ITPKB: variants seen among roughly 807,000 people sequenced by gnomAD.
The protein encoded by ITPKB is IP3 3-kinase B.
A neutral mutation model predicts 69.4 loss-of-function variants in ITPKB; 13 were observed. The ratio of observed to expected loss-of-function variants is 0.19; its 90% CI spans 0.12 to 0.30. The LOEUF (loss-of-function observed/expected upper bound fraction) is 0.30, where lower values mean the gene tolerates loss of function less well. ITPKB is among the 10% of genes least tolerant of loss of function. ITPKB has a pLI of 1.00. For synonymous variants in ITPKB, 584 were observed against 513.7 expected (o/e 1.14, Z -1.85); for missense variants, 1,240 against 1,250.5 (o/e 0.99, Z 0.13).
At chr1:226,709,629 G>T (rs1291629068) in intron 2 of ITPKB, among the ~76,000 whole-genome samples, 1 of 152,198 alleles carries the variant, frequency 6.6e-6, no homozygotes, top group East Asian at 1.9e-4. Context: ...AGCAGAAGAC[G>T]TGATACTTCC....
At chr1:226,680,830 T>C (rs1656069925) in intron 2 of ITPKB, among the ~76,000 whole-genome samples, 1 of 152,202 alleles carries the variant, frequency 6.6e-6, no homozygotes, top group Admixed American at 6.5e-5. Context: ...AGAGCTACCC[T>C]GTCCCTGGGA....
intron 2 of ITPKB, among the ~76,000 whole-genome samples, chr1:226,684,297 TACTC>T (rs1197986597): frequency 6.6e-6 from 1 of 152,128 alleles, no homozygotes; most frequent in African/African-American, 2.4e-5. Flanking sequence ...TGTTACCAGA[TACTC>T]ACTGTCCAGC....
chr1:226,649,570 C>G (rs1258107086), intron 2 of ITPKB, among the ~76,000 whole-genome samples: 1 of 150,380 alleles, frequency 6.6e-6, no homozygotes, highest in South Asian at 2.1e-4. Flanking sequence ...CATATGTGTG[C>G]ATGAGTGTGT....
In ITPKB at chr1:226,737,405, G is replaced by A. The variant is rs770713467; in HGVS notation, c.54C>T (p.Asn18=). Residue 18 remains asparagine, a synonymous_variant, in exon 2 of 8, where the codon AAC becomes AAT. Coordinates refer to ENST00000429204, the MANE Select transcript of ITPKB (RefSeq NM_002221.4). ...LNSLVIMNSA[N]EMKSGGGPGP... is the part of the protein sequence containing the mutation. ...CCGGGCCGCCGCCGCTCTTCATCTC[G>A]TTGGCGCTATTCATGATCACCAGGC... is the stretch of plus-strand genomic sequence containing the variant. The A allele has an allele frequency of 3.7e-6, 6 of 1,611,230 alleles. No homozygotes were observed. Among genetic ancestry groups the A allele is most frequent in the Non-Finnish European group, 5.1e-6 (6 of 1,179,614 alleles).
chr1:226,736,040 G>A lies in ITPKB; in HGVS notation c.1419C>T (p.Gly473=), dbSNP rs531505083. The change falls in exon 2 of 8, where the codon GGC becomes GGT. Residue 473 remains glycine (G), a synonymous_variant. Coordinates refer to ENST00000429204, the MANE Select transcript of ITPKB (RefSeq NM_002221.4). ...TGNVEAGIPS[G]RMLEPLPCWD... ...AACAGGGCAAAGGCTCCAGCATTCT[G>A]CCAGAAGGAATTCCCGCCTCCACAT... 1.9e-6 allele frequency: 3 copies of A among 1,613,406 alleles called. No individual in the cohort carries two copies. Among genetic ancestry groups the A allele is most frequent in the African/African-American group, 1.3e-5 (1 of 74,946 alleles).
At position 226,679,567 on chromosome 1, in the gene ITPKB, G is replaced by C. The variant is rs7517463; in HGVS notation, c.1933-30796C>G. Among the ~76,000 whole-genome samples the C allele has an allele frequency of 9.0e-3, 1,368 of 152,296 alleles. 25 individuals carry two copies. Among genetic ancestry groups the C allele is most frequent in the African/African-American group, 0.031 (1,308 of 41,554 alleles). ...TGAGTTGTGGGGACTAACCTAAGTC[G>C]ATATTCTACCTCCCTTTTGAACTGA... On this transcript the variant is annotated intron_variant, in intron 2 of 7. Coordinates refer to ENST00000429204, the MANE Select transcript of ITPKB (RefSeq NM_002221.4).
rs568600992 is a variant in ITPKB at position 226,667,859 on chromosome 1, C to T, written c.1933-19088G>A. On this transcript the variant is annotated intron_variant, in intron 2 of 7. Transcript: ENST00000429204. Reference sequence around the variant, plus strand: ...GTGTGTGTGTGTGTGTGTGTGCGCGCGCGCGTGCGAAGTGGAGGTTGGTAT... The same window carrying T: ...GTGTGTGTGTGTGTGTGTGTGCGCGTGCGCGTGCGAAGTGGAGGTTGGTAT... Among the ~76,000 whole-genome samples, 228 of 106,464 alleles carry T rather than the reference C, an allele frequency of 2.1e-3. 1 individual carries two copies. The highest frequency in any genetic ancestry group is 8.0e-3 in the African/African-American group (201 of 25,158). 69.8% of individuals were successfully genotyped at this position (106,464 alleles called of 152,430 possible). A position where few individuals can be genotyped will look rare whatever the true frequency, so the allele number is the denominator to read the frequency against.
chr1:226,689,567 A>ATT (rs201433255), intron 2 of ITPKB, among the ~76,000 whole-genome samples: 1,033 of 93,770 alleles, frequency 0.011, 22 homozygotes, highest in Admixed American at 0.069. Flanking sequence ...GGAAGGTTTT[A>ATT]TTTGTGTGTG....
rs1371926999 is a variant in ITPKB, at chr1:226,641,795, C to T, written c.2451+126G>A. 7.0e-6 allele frequency: 6 copies of T among 857,598 alleles called. No homozygotes were observed. The highest frequency in any genetic ancestry group is 1.1e-5 in the Non-Finnish European group (6 of 550,258). 53.1% of individuals were successfully genotyped at this position (857,598 alleles called of 1,614,324 possible). On this transcript the variant is annotated intron_variant, in intron 5 of 7. Transcript: ENST00000429204. This position sits in a 1 kb window ranked among gnomAD's most constrained non-coding sequence, Gnocchi z 4.6. ...TGTCTCCAAATGTCTGGCCTTGGGG[C>T]GGGCCACCCACATTCTGAGCCTGTG...
chr1:226,659,834 C>T (rs973156081), intron 2 of ITPKB, among the ~76,000 whole-genome samples: 4 of 152,120 alleles, frequency 2.6e-5, no homozygotes, highest in East Asian at 1.9e-4. Flanking sequence ...GGGATCTGTC[C>T]TAACCTTCTC....
At position 226,736,164 on chromosome 1, in the gene ITPKB, A is replaced by G. The variant is rs755608656; in HGVS notation, c.1295T>C (p.Val432Ala). 25 of 1,554,062 alleles carry G rather than the reference A, an allele frequency of 1.6e-5. No individual in the cohort carries two copies. Among genetic ancestry groups the G allele is most frequent in the Admixed American group, 7.6e-5 (4 of 52,758 alleles). ...GPEEARSGAP[V>A]GGGRWQLSDR... The stretch of plus-strand genomic sequence containing the variant: ...GGAGAGCTGCCAACGCCCCCCGCCC[A>G]CGGGGGCCCCACTTCGGGCCTCCTC... The change falls in exon 2 of 8, where the codon GTG becomes GCG. Residue 432 changes from valine to alanine, a missense_variant. Physicochemically the swap from Val to Ala is moderately conservative, Grantham distance 64. Around this residue, in one of 2 missense-constraint regions of ITPKB, gnomAD observed 992 missense variants for 853.8 expected, o/e 1.16. Transcript: ENST00000429204.
At chr1:226,732,239 TG>T (rs1366541029) in intron 2 of ITPKB, among the ~76,000 whole-genome samples, 1 of 152,160 alleles carries the variant, frequency 6.6e-6, no homozygotes, top group Non-Finnish European at 1.5e-5. Flanking sequence ...TTTTTGTTTT[TG>T]TTTTTTGTTT....
chr1:226,718,397 C>T (rs994198011), intron 2 of ITPKB, among the ~76,000 whole-genome samples: 1 of 151,920 alleles, frequency 6.6e-6, no homozygotes, highest in Non-Finnish European at 1.5e-5. Context: ...GACTTGAGAC[C>T]AGCCTTGGCG....
At chr1:226,707,837 T>G in intron 2 of ITPKB, 1 of 1,218,318 alleles carries the variant, frequency 8.2e-7, no homozygotes, top group South Asian at 1.6e-5. Context: ...TGTAGGAAGA[T>G]GAAATATGCT....
In ITPKB at chr1:226,737,329, G is replaced by A. The variant is rs1484533620; in HGVS notation, c.130C>T (p.Pro44Ser). The A allele has an allele frequency of 2.3e-5, 36 of 1,597,368 alleles. No individual in the cohort carries two copies. Among genetic ancestry groups the A allele is most frequent in the Non-Finnish European group, 2.9e-5 (34 of 1,176,676 alleles). The change falls in exon 2 of 8, where the codon CCC becomes TCC. Residue 44 changes from proline to serine, a missense_variant. By Grantham distance (74) the Pro-to-Ser change is moderately conservative (BLOSUM62 -1). This residue lies in a region of ITPKB where 992 missense variants were observed against 853.8 expected (regional missense o/e 1.16). Transcript: ENST00000429204. ...PPPPRRAVLS[P>S]GSVFSPGRGA... ...CTCCCGGGGCTGAAAACGCTGCCGG[G>A]GCTCAGCACTGCCCTCCTCGGGGGC...
chr1:226,651,464 T>C (rs1669193034), intron 2 of ITPKB, among the ~76,000 whole-genome samples: 1 of 152,208 alleles, frequency 6.6e-6, no homozygotes, highest in Admixed American at 6.5e-5. Flanking sequence ...GGAGGGTCTT[T>C]AGCCCTCTGT....
At chr1:226,707,924 A>G (rs1236091861) in intron 2 of ITPKB, 2 of 1,331,646 alleles carry the variant, frequency 1.5e-6, no homozygotes, top group Admixed American at 4.7e-5. Flanking sequence ...CACTAAAGGG[A>G]GAAGAAAAGA....
At chr1:226,680,348 A>G (rs909883403) in intron 2 of ITPKB, among the ~76,000 whole-genome samples, 42 of 152,190 alleles carry the variant, frequency 2.8e-4, no homozygotes, top group African/African-American at 9.9e-4. Flanking sequence ...CAGCTTAGAG[A>G]TCCTAAGTCC....
At chr1:226,664,425 T>G (rs1342411648) in intron 2 of ITPKB, among the ~76,000 whole-genome samples, 1 of 151,922 alleles carries the variant, frequency 6.6e-6, no homozygotes, top group Non-Finnish European at 1.5e-5. Flanking sequence ...TCCTTTGCAA[T>G]GTCCATCTGC....
Sources: gnomAD v4.1 joint callset for allele counts (sites outside exome capture counted in the v4.1 genomes callset) on GRCh38, gnomAD v4.1.1 for gene constraint, gnomAD v4.1.1 regional missense constraint, Gnocchi (gnomAD v3.1) non-coding constraint, MANE v1.5 for transcripts, NCBI Gene and HGNC (gene_info 2026-07-23, HGNC 2026-07-21) for gene names.